Variants in HAPLN1 observed in about 807,000 individuals in gnomAD.
The protein encoded by HAPLN1 is Cartilage link protein.
A neutral mutation model predicts 36.5 loss-of-function variants in HAPLN1; 13 were observed. That is an observed-to-expected ratio of 0.36 (90% CI 0.23 to 0.57). HAPLN1 has a LOEUF of 0.57. Ranked by LOEUF, HAPLN1 falls within the 20% of genes least tolerant of loss-of-function variation. The pLI, the probability that HAPLN1 is intolerant of heterozygous loss-of-function variation, is 0.83. For missense variants in HAPLN1, 407 were observed against 439.7 expected, an observed-to-expected ratio of 0.93 and a Z score of 0.66; for synonymous variants, 202 against 169.8, an observed-to-expected ratio of 1.19 and a Z score of -1.48.
intron 2 of HAPLN1, among the ~76,000 whole-genome samples, chr5:83,661,228 G>A (rs1352077991): frequency 1.6e-5 from 2 of 123,388 alleles, no homozygotes; most frequent in Non-Finnish European, 1.9e-5. Flanking sequence ...CTATACCTGT[G>A]CCTATATCTA....
At chr5:83,666,324 A>G (rs2112588089) in intron 2 of HAPLN1, among the ~76,000 whole-genome samples, 1 of 152,280 alleles carries the variant, frequency 6.6e-6, no homozygotes, top group Admixed American at 6.5e-5. Context: ...AGCTGAGTCA[A>G]GGTTCTTGTA....
intron 1 of HAPLN1, among the ~76,000 whole-genome samples, chr5:83,715,187 CA>C (rs950528034): frequency 6.6e-6 from 1 of 152,154 alleles, no homozygotes; most frequent in Non-Finnish European, 1.5e-5. Flanking sequence ...ATTCTTTTTA[CA>C]GAAAACAAAA....
intron 2 of HAPLN1, among the ~76,000 whole-genome samples, chr5:83,656,327 CAAA>C (rs35902132): frequency 3.3e-5 from 2 of 59,786 alleles, no homozygotes; most frequent in East Asian, 6.5e-4. Context: ...GACTACGTCT[CAAA>C]AAAAAAAAAA....
rs532901383 is a variant in HAPLN1, at chr5:83,686,469, A to AAATCCACAT, written c.-26-12929_-26-12921dup. 2.9e-4 allele frequency among the ~76,000 whole-genome samples: 44 copies of AAATCCACAT among 152,330 alleles called. 1 individual carries two copies. The South Asian group carries it at 8.9e-3, about 31-fold the overall frequency. On this transcript the variant is annotated intron_variant, in intron 1 of 4. Coordinates refer to ENST00000274341, the MANE Select transcript of HAPLN1 (RefSeq NM_001884.4). ...GTTTGGCTGAGAGACAAAGTTAGTGAAATCCACATATGTTCATTCTTATCT... is the reference window on the plus strand; with the variant it reads ...GTTTGGCTGAGAGACAAAGTTAGTGAAATCCACATAATCCACATATGTTCATTCTTATCT...
In HAPLN1 at chr5:83,638,281, A is replaced by G. The variant is rs1749574960; in HGVS notation, c.*3215T>C. The G allele has an allele frequency of 6.6e-6, 1 of 151,964 alleles. No homozygotes were observed. The highest frequency in any genetic ancestry group is 1.5e-5 in the Non-Finnish European group (1 of 67,898). 9.4% of individuals were successfully genotyped at this position (151,964 alleles called of 1,614,324 possible). Reference sequence around the variant, plus strand: ...AAACATTTTTTTTTTGGTAATACAGATTGATTCTTCTCCTCAAAGTTATAC... The same window carrying G: ...AAACATTTTTTTTTTGGTAATACAGGTTGATTCTTCTCCTCAAAGTTATAC... On this transcript the variant is annotated 3_prime_UTR_variant, in exon 5 of 5. Transcript: ENST00000274341.
intron 2 of HAPLN1, among the ~76,000 whole-genome samples, chr5:83,663,424 T>G (rs1320277416): frequency 6.6e-6 from 1 of 152,112 alleles, no homozygotes; most frequent in Non-Finnish European, 1.5e-5. Context: ...GTATTGAGGG[T>G]CTTCAAAACT....
intron 3 of HAPLN1, 126 bp downstream of exon 3, chr5:83,652,327 G>A: frequency 1.1e-6 from 1 of 890,564 alleles, no homozygotes; most frequent in Non-Finnish European, 1.7e-6. Context: ...AAAAGAATAA[G>A]ATGCCAGGCA....
chr5:83,651,450 G>A (rs1234667824), intron 3 of HAPLN1, among the ~76,000 whole-genome samples: 4 of 152,062 alleles, frequency 2.6e-5, no homozygotes, highest in African/African-American at 7.2e-5. Flanking sequence ...TGTACTCAGG[G>A]GCCAAGAACT....
At chr5:83,684,330 A>C (rs1176927890) in intron 1 of HAPLN1, among the ~76,000 whole-genome samples, 1 of 152,116 alleles carries the variant, frequency 6.6e-6, no homozygotes, top group Non-Finnish European at 1.5e-5. Flanking sequence ...TCAGATCCCA[A>C]AGCAGGTACC....
chr5:83,714,093 A>AC (rs1751858458), intron 1 of HAPLN1, among the ~76,000 whole-genome samples: 1 of 152,030 alleles, frequency 6.6e-6, no homozygotes, highest in African/African-American at 2.4e-5. Flanking sequence ...AAGTCAGGAC[A>AC]CCCCCGAAGC....
At position 83,641,725 on chromosome 5, in the gene HAPLN1, C is replaced by T. The variant is rs778597372; in HGVS notation, c.836G>A (p.Cys279Tyr). The change falls in exon 5 of 5, where the codon TGT (cysteine) becomes TAT (tyrosine). Residue 279 changes from cysteine (C) to tyrosine (Y), a missense_variant. Physicochemically the swap from Cys to Tyr is radical, Grantham distance 194 (BLOSUM62 -2). Coordinates refer to ENST00000274341, the MANE Select transcript of HAPLN1 (RefSeq NM_001884.4). ...TGCAATCTGAGCACCATCATTGAGA[C>T]AAGCTTGCACCGCTTCATCATAGGT... Reference protein sequence around the residue: ...KLTYDEAVQACLNDGAQIAKV... With the variant: ...KLTYDEAVQAYLNDGAQIAKV... 2 of 1,614,042 alleles carry T rather than the reference C, an allele frequency of 1.2e-6. No individual in the cohort carries two copies. Among genetic ancestry groups the T allele is most frequent in the Non-Finnish European group, 8.5e-7 (1 of 1,180,048 alleles).
intron 1 of HAPLN1, among the ~76,000 whole-genome samples, chr5:83,686,690 C>G (rs1045237739): frequency 6.6e-6 from 1 of 152,104 alleles, no homozygotes; most frequent in African/African-American, 2.4e-5. Flanking sequence ...TGTATAGCCC[C>G]CAGCACCTGC....
intron 3 of HAPLN1, among the ~76,000 whole-genome samples, chr5:83,651,191 T>C (rs1029062746): frequency 1.2e-4 from 18 of 152,158 alleles, no homozygotes; most frequent in Non-Finnish European, 2.2e-4. Context: ...ATAATAGAAT[T>C]CAAACTTGTT....
intron 1 of HAPLN1, among the ~76,000 whole-genome samples, chr5:83,710,574 G>C (rs555795531): frequency 6.6e-6 from 1 of 152,248 alleles, no homozygotes; most frequent in South Asian, 2.1e-4. Flanking sequence ...TCATGAAAAG[G>C]AGAAAGATTG....
intron 1 of HAPLN1, among the ~76,000 whole-genome samples, chr5:83,677,368 GCT>G (rs1237469717): frequency 1.3e-4 from 20 of 152,134 alleles, no homozygotes; most frequent in African/African-American, 4.8e-4. Flanking sequence ...AGTGCTGTCG[GCT>G]CTCTCTTAGC....
chr5:83,711,982 G>A (rs1391379693), intron 1 of HAPLN1, among the ~76,000 whole-genome samples: 1 of 152,152 alleles, frequency 6.6e-6, no homozygotes, highest in East Asian at 1.9e-4. Flanking sequence ...ATAATTTAGT[G>A]ATTGACTCAA....
chr5:83,650,494 T>C (rs1409050655), intron 3 of HAPLN1, among the ~76,000 whole-genome samples: 2 of 152,140 alleles, frequency 1.3e-5, no homozygotes, highest in Non-Finnish European at 2.9e-5. Flanking sequence ...TGTAAAAATA[T>C]GTATCAATTA....
At chr5:83,664,404 C>T (rs1187135728) in intron 2 of HAPLN1, among the ~76,000 whole-genome samples, 2 of 151,666 alleles carry the variant, frequency 1.3e-5, no homozygotes, top group Non-Finnish European at 2.9e-5. Context: ...TTTTTTTGAG[C>T]CCTAGTCTCA....
At chr5:83,645,475 C>CTTTCTTTTTTTTTTTTTT (rs1428903218) in intron 3 of HAPLN1, among the ~76,000 whole-genome samples, 24 of 74,328 alleles carry the variant, frequency 3.2e-4, no homozygotes, top group Non-Finnish European at 7.4e-5. Flanking sequence ...CTTTTTCTTT[C>CTTTCTTTTTTTTTTTTTT]TTTTTTTTTT....
Sources: gnomAD v4.1 joint callset for allele counts (sites outside exome capture counted in the v4.1 genomes callset) on GRCh38, gnomAD v4.1.1 for gene constraint, MANE v1.5 for transcripts, NCBI Gene and HGNC (gene_info 2026-07-23, HGNC 2026-07-21) for gene names.